The following CRISP3 variants were observed in gnomAD, a reference collection of about 807,000 sequenced individuals.
CRISP3 encodes cysteine-rich secretory protein 3.
A neutral mutation model predicts 36.1 loss-of-function variants in CRISP3; 33 were observed. The ratio of observed to expected loss-of-function variants is 0.91; its 90% CI spans 0.69 to 1.22. CRISP3 has a LOEUF of 1.22. Ranked by LOEUF, CRISP3 falls within the 50% of genes most tolerant of loss-of-function variation. The probability of loss-of-function intolerance (pLI) is 0.00; values close to 1 mark genes in which losing one functional copy is unlikely to be tolerated. For synonymous variants in CRISP3, 117 were observed against 104.6 expected (o/e 1.12, Z -0.72); for missense variants, 330 against 301.2 (o/e 1.10, Z -0.71).
chr6:49,738,097 G>A (rs894129771), intron 1 of CRISP3, among the ~76,000 whole-genome samples: 4 of 151,962 alleles, frequency 2.6e-5, no homozygotes, highest in Non-Finnish European at 5.9e-5. Flanking sequence ...AAAACAAAAA[G>A]GTAATAATTT....
intron 2 of CRISP3, 52 bp from the exon 3 acceptor site, chr6:49,736,559 A>G (rs1769058065): frequency 1.6e-6 from 2 of 1,274,436 alleles, no homozygotes; most frequent in African/African-American, 1.5e-5. Flanking sequence ...GAAATTGCAC[A>G]TAATAGTAAC....
At chr6:49,736,330 C>T in intron 3 of CRISP3, 61 bp downstream of exon 3, 1 of 1,071,514 alleles carries the variant, frequency 9.3e-7, no homozygotes, top group Non-Finnish European at 1.4e-6. Context: ...TATTAGTTGC[C>T]AGCCGCCTAC....
At chr6:49,744,224 G>A in intron 1 of CRISP3, 107 bp downstream of exon 1, 1 of 760,338 alleles carries the variant, frequency 1.3e-6, no homozygotes, top group East Asian at 3.1e-5. Context: ...TTGGAAAATT[G>A]TAGATAAAAT....
chr6:49,731,195 C>G lies in CRISP3; in HGVS notation c.617G>C (p.Ser206Thr). The stretch of plus-strand genomic sequence containing the variant: ...TCCATCGTCACAGTTATCTGGGCAA[C>G]TGGCACAAGGTGCTCCTTGTTCATA... ...VPYEQGAPCA[S>T]CPDNCDDGLC... The change falls in exon 7 of 8, where the codon AGT (serine) becomes ACT (threonine). Residue 206 changes from serine (S) to threonine (T), a missense_variant. By Grantham distance (58) the Ser-to-Thr change is moderately conservative. Coordinates refer to ENST00000263045, the MANE Select transcript of CRISP3 (RefSeq NM_006061.4). 6.2e-7 allele frequency: 1 copy of G among 1,611,584 alleles called. No individual in the cohort carries two copies. The highest frequency in any genetic ancestry group is 8.5e-7 in the Non-Finnish European group (1 of 1,178,624).
chr6:49,733,593 T>C (rs906755305), intron 5 of CRISP3, 110 bp downstream of exon 5: 2 of 1,105,518 alleles, frequency 1.8e-6, no homozygotes, highest in Admixed American at 2.5e-5. Flanking sequence ...GACTATTCTA[T>C]ATTCACTTGA....
At position 49,728,808 on chromosome 6, in the gene CRISP3, C is replaced by T. The variant is rs763985892; in HGVS notation, c.699G>A (p.Lys233=). The T allele has an allele frequency of 9.3e-6, 15 of 1,612,652 alleles. No homozygotes were observed. In the East Asian group the frequency reaches 3.3e-4, roughly 36 times the overall value. The part of the protein sequence containing the change: ...EDLYSNCKSL[K]LTLTCKHQLV... ...ACTGATGTTTACAGGTTAATGTGAG[C>T]TTCAAACTTTTACAGTTACTATAGA... Residue 233 remains lysine, a synonymous_variant, in exon 8 of 8, where the codon AAG becomes AAA. Coordinates refer to ENST00000263045, the MANE Select transcript of CRISP3 (RefSeq NM_006061.4).
chr6:49,743,961 G>T (rs569233576), intron 1 of CRISP3, among the ~76,000 whole-genome samples: 1 of 152,040 alleles, frequency 6.6e-6, no homozygotes, highest in African/African-American at 2.4e-5. Context: ...AAAAGTTACT[G>T]ATGTGAAAGT....
chr6:49,730,262 C>A (rs1021383958), intron 7 of CRISP3, among the ~76,000 whole-genome samples: 1 of 151,934 alleles, frequency 6.6e-6, no homozygotes, highest in African/African-American at 2.4e-5. Flanking sequence ...TTTATTTACT[C>A]CTTTTTGCTA....
intron 1 of CRISP3, among the ~76,000 whole-genome samples, chr6:49,744,009 TTAAAAATAGTTCTAG>T (rs1769271095): frequency 6.6e-6 from 1 of 152,130 alleles, no homozygotes; most frequent in African/African-American, 2.4e-5. Flanking sequence ...CATTTTTCTA[TTAAAAATAGTTCTAG>T]TACAATTGTT....
intron 1 of CRISP3, among the ~76,000 whole-genome samples, chr6:49,740,772 T>C (rs1312574495): frequency 2.0e-5 from 3 of 152,086 alleles, no homozygotes; most frequent in East Asian, 3.9e-4. Context: ...TCTAGTGCTA[T>C]GTGTCAGCAA....
chr6:49,743,755 C>A (rs1769263906), intron 1 of CRISP3, among the ~76,000 whole-genome samples: 1 of 151,628 alleles, frequency 6.6e-6, no homozygotes, highest in Non-Finnish European at 1.5e-5. Flanking sequence ...AGTAGACTGA[C>A]TTTTGACTGA....
At chr6:49,737,154 A>G (rs530321182) in intron 2 of CRISP3, among the ~76,000 whole-genome samples, 171 bp downstream of exon 2, 1 of 152,220 alleles carries the variant, frequency 6.6e-6, no homozygotes, top group Non-Finnish European at 1.5e-5. Flanking sequence ...GGGCTACCAT[A>G]TTGATCACCA....
chr6:49,729,970 A>G (rs930025200), intron 7 of CRISP3, among the ~76,000 whole-genome samples: 1 of 152,196 alleles, frequency 6.6e-6, no homozygotes, highest in Non-Finnish European at 1.5e-5. Flanking sequence ...CAAGCTTCTT[A>G]GAAAACAGCA....
intron 4 of CRISP3, 106 bp downstream of exon 4, chr6:49,735,398 C>T (rs1769021442): frequency 6.4e-6 from 5 of 783,348 alleles, no homozygotes; most frequent in African/African-American, 3.4e-5. Flanking sequence ...AAAAAGGTAG[C>T]ATTAGAAGCA....
Position 49,728,686 on chromosome 6 carries a change from T to C in CRISP3, c.*44A>G, listed in dbSNP as rs1231920487. The C allele has an allele frequency of 1.3e-6, 2 of 1,506,896 alleles. No homozygotes were observed. Among genetic ancestry groups the C allele is most frequent in the South Asian group, 2.8e-5 (2 of 71,282 alleles). The allele number at this position is 1,506,896 out of a possible 1,614,324, so 93.3% of individuals were successfully genotyped here. A position where few individuals can be genotyped will look rare whatever the true frequency, so the allele number is the denominator to read the frequency against. ...GTAGATGCCAAATCTAAGTAGATAATCTGACTCCTCTCTACATAGCCCTAC... is the reference window on the plus strand; with the variant it reads ...GTAGATGCCAAATCTAAGTAGATAACCTGACTCCTCTCTACATAGCCCTAC... On this transcript the variant is annotated 3_prime_UTR_variant, in exon 8 of 8. Coordinates refer to ENST00000263045, the MANE Select transcript of CRISP3 (RefSeq NM_006061.4).
intron 6 of CRISP3, among the ~76,000 whole-genome samples, chr6:49,732,193 C>T: frequency 6.6e-6 from 1 of 152,156 alleles, no homozygotes; most frequent in East Asian, 1.9e-4. Context: ...TTCCAACTCT[C>T]ACTTCAGATG....
intron 4 of CRISP3, among the ~76,000 whole-genome samples, chr6:49,734,677 A>G (rs980875503): frequency 1.3e-5 from 2 of 152,136 alleles, no homozygotes; most frequent in South Asian, 4.1e-4. Flanking sequence ...TCGTGACCAT[A>G]GTTACCCCCT....
intron 4 of CRISP3, among the ~76,000 whole-genome samples, chr6:49,735,143 C>A (rs1224232409): frequency 6.6e-6 from 1 of 152,078 alleles, no homozygotes; most frequent in African/African-American, 2.4e-5. Flanking sequence ...GATTTAGAAG[C>A]CAGAAATTCT....
intron 1 of CRISP3, among the ~76,000 whole-genome samples, chr6:49,739,822 T>C (rs1769154285): frequency 2.0e-5 from 3 of 152,212 alleles, no homozygotes; most frequent in Admixed American, 6.5e-5. Flanking sequence ...CTAAGTGTAT[T>C]AGTTATACAT....
Sources: allele counts gnomAD v4.1 joint callset (sites outside exome capture counted in the v4.1 genomes callset), GRCh38; gene constraint gnomAD v4.1.1; transcripts MANE v1.5; gene names NCBI Gene and HGNC (gene_info 2026-07-23, HGNC 2026-07-21).